LRP1B: variants seen among roughly 807,000 people sequenced by gnomAD.
LRP1B encodes LDL receptor related protein 1B, also known as low-density lipoprotein receptor-related protein 1B.
In LRP1B, 217 loss-of-function variants were observed where a neutral mutation model predicts 556.6. The ratio of observed to expected loss-of-function variants is 0.39; its 90% CI spans 0.35 to 0.44. LRP1B has a LOEUF of 0.44. Ranked by LOEUF, LRP1B falls within the 20% of genes least tolerant of loss-of-function variation. The pLI, the probability that LRP1B is intolerant of heterozygous loss-of-function variation, is 1.00. For missense variants in LRP1B, 5,053 were observed against 5,620.8 expected (o/e 0.90, Z 3.23); for synonymous variants, 2,047 against 1,865.8 (o/e 1.10, Z -2.50).
At chr2:140,469,794 G>A (rs898542065) in intron 60 of LRP1B, among the ~76,000 whole-genome samples, 1 of 152,180 alleles carries the variant, frequency 6.6e-6, no homozygotes, top group East Asian at 1.9e-4. Context: ...GTGAAAACTG[G>A]AAAGAAAGCA....
chr2:141,812,901 A>G (rs1222687896), intron 1 of LRP1B, among the ~76,000 whole-genome samples: 4 of 151,966 alleles, frequency 2.6e-5, no homozygotes, highest in Non-Finnish European at 4.4e-5. Flanking sequence ...GACTTAAACA[A>G]TGGATGGCAT....
chr2:141,383,710 T>C (rs898447340), intron 3 of LRP1B, among the ~76,000 whole-genome samples: 3 of 152,174 alleles, frequency 2.0e-5, no homozygotes, highest in Non-Finnish European at 4.4e-5. Flanking sequence ...TGCAATAACA[T>C]AGATGAACCT....
intron 2 of LRP1B, among the ~76,000 whole-genome samples, chr2:141,615,757 C>T (rs569837084): frequency 4.1e-4 from 63 of 152,148 alleles, no homozygotes; most frequent in African/African-American, 1.5e-3. Flanking sequence ...AAAGAAAGAA[C>T]AGGGAGATAC....
At chr2:141,257,949 G>A (rs1007466501) in intron 3 of LRP1B, among the ~76,000 whole-genome samples, 1 of 152,180 alleles carries the variant, frequency 6.6e-6, no homozygotes, top group Non-Finnish European at 1.5e-5. Flanking sequence ...AATTTTGTTA[G>A]AAAACTTATT....
At chr2:141,329,494 A>T in intron 3 of LRP1B, among the ~76,000 whole-genome samples, 1 of 151,950 alleles carries the variant, frequency 6.6e-6, no homozygotes, top group South Asian at 2.1e-4. Flanking sequence ...AATACGAAAA[A>T]TTAGCCGGGT....
chr2:141,785,981 A>T (rs1344718439), intron 2 of LRP1B, among the ~76,000 whole-genome samples: 1 of 151,890 alleles, frequency 6.6e-6, no homozygotes, highest in Non-Finnish European at 1.5e-5. Context: ...GCAAATTAAA[A>T]ATTCTAAGTG....
rs138799221 is a variant in LRP1B at position 140,395,746 on chromosome 2, T to C, written c.10415-9737A>G. ...TAAGCTAGCTTTGTAGAGGCTCCAA[T>C]AATGACATTTTAAAAATTGCATGTC... On this transcript the variant is annotated intron_variant, in intron 66 of 90. Coordinates refer to ENST00000389484, the MANE Select transcript of LRP1B (RefSeq NM_018557.3). Among the ~76,000 whole-genome samples the C allele has an allele frequency of 5.2e-4, 79 of 152,346 alleles. No homozygotes were observed. In the Middle Eastern group the frequency reaches 0.037, roughly 72 times the overall value.
chr2:140,637,993 T>C (rs1036017129), intron 41 of LRP1B, among the ~76,000 whole-genome samples: 1 of 152,218 alleles, frequency 6.6e-6, no homozygotes, highest in African/African-American at 2.4e-5. Context: ...ACCAAAAAGA[T>C]ACCTGGATCA....
intron 1 of LRP1B, among the ~76,000 whole-genome samples, chr2:141,869,471 C>G (rs1698516465): frequency 6.6e-6 from 1 of 152,056 alleles, no homozygotes; most frequent in East Asian, 1.9e-4. Flanking sequence ...TAAATCGATA[C>G]TAATATGTTT....
intron 3 of LRP1B, among the ~76,000 whole-genome samples, chr2:141,296,448 G>A (rs1256483638): frequency 1.3e-5 from 2 of 152,156 alleles, no homozygotes; most frequent in African/African-American, 4.8e-5. Flanking sequence ...GTACTAAATA[G>A]GCAGTCTAAC....
At chr2:141,358,048 G>A in intron 3 of LRP1B, among the ~76,000 whole-genome samples, 1 of 152,158 alleles carries the variant, frequency 6.6e-6, no homozygotes, top group East Asian at 1.9e-4. Context: ...TATTCAGAAT[G>A]TATTGTTTTA....
chr2:141,198,987 A>G (rs1333846207), intron 6 of LRP1B, among the ~76,000 whole-genome samples: 3 of 152,216 alleles, frequency 2.0e-5, no homozygotes, highest in South Asian at 2.1e-4. Context: ...GATGGCTACA[A>G]TAGTTTCTAT....
At chr2:140,422,797 C>G (rs1247838191) in intron 66 of LRP1B, among the ~76,000 whole-genome samples, 1 of 152,098 alleles carries the variant, frequency 6.6e-6, no homozygotes, top group East Asian at 1.9e-4. Context: ...TACTTTAACC[C>G]GATGACCTCC....
chr2:140,994,297 T>C (rs1232112762), intron 15 of LRP1B, among the ~76,000 whole-genome samples, 162 bp from the exon 16 acceptor site: 1 of 151,996 alleles, frequency 6.6e-6, no homozygotes, highest in Non-Finnish European at 1.5e-5. Flanking sequence ...CACAATGTCA[T>C]CCAGGTTCAT....
chr2:141,165,803 T>C (rs1680227097), intron 7 of LRP1B, among the ~76,000 whole-genome samples: 1 of 152,076 alleles, frequency 6.6e-6, no homozygotes, highest in Non-Finnish European at 1.5e-5. Context: ...TAGTTGGAAA[T>C]CCTGGTTAAC....
intron 20 of LRP1B, among the ~76,000 whole-genome samples, chr2:140,946,855 A>G (rs1257925745): frequency 1.3e-5 from 2 of 152,184 alleles, no homozygotes; most frequent in African/African-American, 4.8e-5. Flanking sequence ...AAAAAGGAAC[A>G]AATTATGTCA....
intron 51 of LRP1B, 83 bp from the exon 52 acceptor site, chr2:140,510,139 G>A (rs2104918329): frequency 2.7e-6 from 4 of 1,457,436 alleles, no homozygotes; most frequent in Non-Finnish European, 3.8e-6. Context: ...TACAGTAAGG[G>A]GGGAAGCAGA....
chr2:141,860,069 G>A (rs917363472), intron 1 of LRP1B, among the ~76,000 whole-genome samples: 3 of 151,926 alleles, frequency 2.0e-5, no homozygotes, highest in African/African-American at 4.8e-5. Flanking sequence ...ACTCTTTCTC[G>A]GCCATAATGC....
chr2:142,026,535 T>C (rs1427857559), intron 1 of LRP1B, among the ~76,000 whole-genome samples: 2 of 152,086 alleles, frequency 1.3e-5, no homozygotes, highest in Non-Finnish European at 2.9e-5. Context: ...AACAAACCTC[T>C]AGTGACTAAA....
Sources: allele counts gnomAD v4.1 joint callset (sites outside exome capture counted in the v4.1 genomes callset), GRCh38; gene constraint gnomAD v4.1.1; transcripts MANE v1.5; gene names NCBI Gene and HGNC (gene_info 2026-07-23, HGNC 2026-07-21).